GULP1: variants seen among roughly 807,000 people sequenced by gnomAD.
The protein encoded by GULP1 is PTB domain-containing engulfment adapter protein 1.
GULP1 carries 19 observed loss-of-function variants against 40.9 expected under a neutral mutation model. That is an observed-to-expected ratio of 0.46 (90% CI 0.32 to 0.68). The LOEUF (loss-of-function observed/expected upper bound fraction) is 0.68, where lower values mean the gene tolerates loss of function less well. GULP1 is among the 30% of genes least tolerant of loss of function. GULP1 has a pLI of 0.03. For synonymous variants in GULP1, 119 were observed against 117.6 expected (o/e 1.01, Z -0.08); for missense variants, 312 against 362.2 (o/e 0.86, Z 1.12).
chr2:188,318,553 G>A (rs1236265945), intron 1 of GULP1, among the ~76,000 whole-genome samples: 4 of 152,094 alleles, frequency 2.6e-5, no homozygotes, highest in Non-Finnish European at 5.9e-5. Context: ...ATCAAATTGA[G>A]GACTAGCTAA....
chr2:188,523,143 C>T (rs1685268520), intron 5 of GULP1, among the ~76,000 whole-genome samples: 1 of 152,056 alleles, frequency 6.6e-6, no homozygotes, highest in Non-Finnish European at 1.5e-5. Context: ...ATAATGTGAA[C>T]CTATGTCCCA....
chr2:188,428,970 T>C (rs541758961), intron 2 of GULP1, among the ~76,000 whole-genome samples: 19 of 152,090 alleles, frequency 1.2e-4, no homozygotes, highest in Non-Finnish European at 1.9e-4. Flanking sequence ...GCTCTGATGA[T>C]GACAGGAAAA....
intron 2 of GULP1, among the ~76,000 whole-genome samples, chr2:188,434,407 A>G (rs910372396): frequency 6.6e-6 from 1 of 151,562 alleles, no homozygotes; most frequent in Non-Finnish European, 1.5e-5. Context: ...ACTTTGCCCA[A>G]GTTTACAACA....
Position 188,529,713 on chromosome 2 carries a change from G to T in GULP1, c.261+518G>T, listed in dbSNP as rs1473705276. On this transcript the variant is annotated intron_variant, in intron 6 of 11. Coordinates refer to ENST00000409830, the MANE Select transcript of GULP1 (RefSeq NM_016315.4). Reference sequence around the variant, plus strand: ...GCCAGCAGGGTTAGTTTCCTCTGTAGCCTTTCTCCTTGGCTTACAGAGGGC... The same window carrying T: ...GCCAGCAGGGTTAGTTTCCTCTGTATCCTTTCTCCTTGGCTTACAGAGGGC... Among the ~76,000 whole-genome samples, 3 of 152,112 alleles carry T rather than the reference G, an allele frequency of 2.0e-5. No individual in the cohort carries two copies. In the East Asian group the frequency reaches 5.8e-4, roughly 29 times the overall value.
chr2:188,552,544 C>T (rs554015070), intron 7 of GULP1, among the ~76,000 whole-genome samples: 66 of 151,734 alleles, frequency 4.3e-4, no homozygotes, highest in Non-Finnish European at 8.7e-4. Flanking sequence ...TACCATACTG[C>T]TTTGGTTACT....
At chr2:188,508,135 AT>A (rs1295136135) in intron 4 of GULP1, among the ~76,000 whole-genome samples, 3 of 152,006 alleles carry the variant, frequency 2.0e-5, no homozygotes, top group Non-Finnish European at 4.4e-5. Flanking sequence ...GCTACCACTG[AT>A]TTTTTTAAAA....
intron 4 of GULP1, among the ~76,000 whole-genome samples, chr2:188,506,567 A>G (rs1206729760): frequency 6.6e-6 from 1 of 152,036 alleles, no homozygotes. Flanking sequence ...CATTAACTCA[A>G]GAAATCCTCA....
intron 2 of GULP1, among the ~76,000 whole-genome samples, chr2:188,405,551 G>A (rs1252126621): frequency 1.3e-5 from 2 of 152,118 alleles, no homozygotes; most frequent in African/African-American, 4.8e-5. Context: ...CCACTGCAGT[G>A]CCAGGTTAGC....
At chr2:188,475,501 T>C (rs1575490735) in intron 2 of GULP1, among the ~76,000 whole-genome samples, 3 of 152,178 alleles carry the variant, frequency 2.0e-5, no homozygotes, top group Admixed American at 2.0e-4. Flanking sequence ...AATTTTTAAA[T>C]CATATAGTAT....
intron 8 of GULP1, 29 bp downstream of exon 8, chr2:188,569,384 T>C: frequency 9.1e-7 from 1 of 1,104,780 alleles, no homozygotes; most frequent in East Asian, 2.4e-5. Flanking sequence ...TTGTTTTACA[T>C]TTGTGTGATG....
chr2:188,380,149 A>G (rs1176852268), intron 1 of GULP1, among the ~76,000 whole-genome samples: 2 of 152,106 alleles, frequency 1.3e-5, no homozygotes, highest in Non-Finnish European at 1.5e-5. Context: ...GACTATTTGC[A>G]TGTCATTTCC....
intron 2 of GULP1, among the ~76,000 whole-genome samples, chr2:188,429,753 G>C (rs2056643046): frequency 6.6e-6 from 1 of 152,016 alleles, no homozygotes; most frequent in South Asian, 2.1e-4. Flanking sequence ...CTGTTGCCCA[G>C]GCTGGAGTGC....
chr2:188,414,259 T>C (rs2054293915), intron 2 of GULP1, among the ~76,000 whole-genome samples: 1 of 151,322 alleles, frequency 6.6e-6, no homozygotes, highest in Non-Finnish European at 1.5e-5. Context: ...AAATGGTTCA[T>C]TGATTGATTT....
intron 7 of GULP1, among the ~76,000 whole-genome samples, chr2:188,562,535 A>G (rs1236485770): frequency 1.3e-5 from 2 of 152,226 alleles, no homozygotes; most frequent in African/African-American, 4.8e-5. Context: ...TTATTAAAAA[A>G]TGAAACAAAA....
intron 2 of GULP1, among the ~76,000 whole-genome samples, chr2:188,438,832 A>G (rs1049355710): frequency 6.6e-6 from 1 of 152,036 alleles, no homozygotes; most frequent in East Asian, 1.9e-4. Context: ...ACAATGCTTA[A>G]TATTATTGAT....
In GULP1 at chr2:188,573,601, A is replaced by G. The variant is rs138948586; in HGVS notation, c.609+3481A>G. Among the ~76,000 whole-genome samples, 356 of 152,166 alleles carry G rather than the reference A, an allele frequency of 2.3e-3. 1 individual carries two copies. Among genetic ancestry groups the G allele is most frequent in the African/African-American group, 8.1e-3 (334 of 41,452 alleles). The stretch of plus-strand genomic sequence containing the variant: ...AGTGCCCCCATGGCTAGCAAAGTAA[A>G]TGTTTAATGAGTTTATAACCCTGGA... On this transcript the variant is annotated intron_variant, in intron 9 of 11. Transcript: ENST00000409830.
chr2:188,340,589 G>C (rs1380363418), intron 1 of GULP1, among the ~76,000 whole-genome samples: 1 of 152,124 alleles, frequency 6.6e-6, no homozygotes, highest in East Asian at 1.9e-4. Context: ...TTGCTGTCGT[G>C]GATGACTTAA....
intron 4 of GULP1, among the ~76,000 whole-genome samples, chr2:188,521,062 C>A (rs1575754623): frequency 6.6e-6 from 1 of 152,024 alleles, no homozygotes; most frequent in Non-Finnish European, 1.5e-5. Flanking sequence ...CACGTATTCT[C>A]CTATGTCTAT....
At chr2:188,583,329 C>A (rs1014285943) in intron 9 of GULP1, among the ~76,000 whole-genome samples, 15 of 152,102 alleles carry the variant, frequency 9.9e-5, no homozygotes, top group Non-Finnish European at 2.1e-4. Flanking sequence ...GAAAATTAAA[C>A]GTATTCTGAG....
Sources: allele counts gnomAD v4.1 joint callset (sites outside exome capture counted in the v4.1 genomes callset), GRCh38; gene constraint gnomAD v4.1.1; transcripts MANE v1.5; gene names NCBI Gene and HGNC (gene_info 2026-07-23, HGNC 2026-07-21).